The following PGF variants were observed in gnomAD, a reference collection of about 807,000 sequenced individuals.
The protein encoded by PGF is placental growth factor, also known as placenta growth factor.
A neutral mutation model predicts 25.3 loss-of-function variants in PGF; 11 were observed. The observed-to-expected ratio is 0.43, with a 90% CI of 0.27 to 0.72. PGF has a LOEUF of 0.72. PGF is among the 30% of genes least tolerant of loss of function. The probability of loss-of-function intolerance (pLI) is 0.18; values close to 1 mark genes in which losing one functional copy is unlikely to be tolerated. For synonymous variants in PGF, 105 were observed against 97.9 expected, an observed-to-expected ratio of 1.07 and a Z score of -0.43; for missense variants, 230 against 234.9, an observed-to-expected ratio of 0.98 and a Z score of 0.14.
At chr14:74,951,612 G>T (rs781527181) in intron 2 of PGF, among the ~76,000 whole-genome samples, 4 of 152,248 alleles carry the variant, frequency 2.6e-5, no homozygotes, top group Non-Finnish European at 5.9e-5. Context: ...CACCCACCCA[G>T]CTGGGCTGCG....
rs903239226 is a variant in PGF, at chr14:74,955,382, G to A, written c.-140C>T. The A allele has an allele frequency of 5.9e-5, 26 of 437,714 alleles. No homozygotes were observed. The Admixed American group carries it at 6.1e-4, about 10-fold the overall frequency. The allele number at this position is 437,714 out of a possible 1,614,324, so 27.1% of individuals were successfully genotyped here. ...CTGCTGCCCCGAGGCCCCGGCCGGT[G>A]GTTCGAGCATCTTCTGGAAGCCTTG... is the stretch of plus-strand genomic sequence containing the variant. On this transcript the variant is annotated 5_prime_UTR_variant, in exon 1 of 7. Coordinates refer to ENST00000555567, the MANE Select transcript of PGF (RefSeq NM_002632.6). The surrounding 1 kb of genome is among the most constrained non-coding windows in gnomAD (Gnocchi z 4.1).
intron 5 of PGF, 35 bp downstream of exon 5, chr14:74,946,344 C>T (rs764547491): frequency 4.3e-6 from 7 of 1,613,962 alleles, no homozygotes; most frequent in South Asian, 1.1e-5. Flanking sequence ...CTGGCAGGCC[C>T]GAGAATAGCC....
Position 74,942,329 on chromosome 14 carries a change from A to C in PGF, c.*377T>G. ...ACTTTGGACAGGAGCTCCGAAAGCA[A>C]GGGCTGCTTGTCTGTGCAGAGCCTG... is the stretch of plus-strand genomic sequence containing the variant. On this transcript the variant is annotated 3_prime_UTR_variant, in exon 7 of 7. Coordinates refer to ENST00000555567, the MANE Select transcript of PGF (RefSeq NM_002632.6). 5.1e-6 allele frequency: 1 copy of C among 195,566 alleles called. No homozygotes were observed. The highest frequency in any genetic ancestry group is 1.0e-5 in the Non-Finnish European group (1 of 95,934). 12.1% of individuals were successfully genotyped at this position (195,566 alleles called of 1,614,324 possible). A position where few individuals can be genotyped will look rare whatever the true frequency, so the allele number is the denominator to read the frequency against.
At chr14:74,945,965 A>G (rs1888721278) in intron 6 of PGF, 2 of 554,378 alleles carry the variant, frequency 3.6e-6, no homozygotes, top group Admixed American at 6.1e-5. Flanking sequence ...TACACAGAGA[A>G]AAGCTAGGCT....
chr14:74,942,779 G>T, intron 6 of PGF, 46 bp from the exon 7 acceptor site: 3 of 1,585,742 alleles, frequency 1.9e-6, no homozygotes. Context: ...GCACACTGTG[G>T]AGGGTGCGGT....
In PGF at chr14:74,947,188, T is replaced by C. The variant is rs576770853; in HGVS notation, c.393-780A>G. The C allele has an allele frequency of 2.6e-5, 10 of 383,022 alleles. No homozygotes were observed. The East Asian group carries it at 3.5e-4, about 13-fold the overall frequency. 23.7% of individuals were successfully genotyped at this position (383,022 alleles called of 1,614,324 possible). ...CATATTGGGCAAGTGACAGACACTC[T>C]TGGAACCTCAGTCTCTTCATCTGCC... On this transcript the variant is annotated intron_variant, in intron 4 of 6. Transcript: ENST00000555567.
At position 74,950,554 on chromosome 14, in the gene PGF, G is replaced by A. The variant is rs9652373; in HGVS notation, c.119-1001C>T. On this transcript the variant is annotated intron_variant, in intron 2 of 6. Transcript: ENST00000555567. This position sits in a 1 kb window ranked among gnomAD's most constrained non-coding sequence, Gnocchi z 4.1. ...ATCCCTCAAAAGATGCTGCTCTTTC[G>A]GGGGAAGGCCTAGGACCAGGCCCCA... Among the ~76,000 whole-genome samples, 1,277 of 152,266 alleles carry A rather than the reference G, an allele frequency of 8.4e-3. 12 individuals are homozygous for A. Among genetic ancestry groups the A allele is most frequent in the African/African-American group, 0.029 (1,203 of 41,546 alleles).
At chr14:74,954,970 G>A (rs1466754026) in intron 1 of PGF, among the ~76,000 whole-genome samples, 198 bp downstream of exon 1, 2 of 133,488 alleles carry the variant, frequency 1.5e-5, no homozygotes, top group Non-Finnish European at 3.2e-5. Context: ...CCCCCACCAA[G>A]ACAGCCCCCA....
intron 4 of PGF, chr14:74,947,219 C>A: frequency 3.1e-6 from 1 of 319,470 alleles, no homozygotes; most frequent in Non-Finnish European, 5.7e-6. Flanking sequence ...CTGCCTGCCC[C>A]AAAAGAGTGG....
chr14:74,955,535 TC>T lies in PGF; in HGVS notation c.-294del, dbSNP rs1428495199. 3.0e-6 allele frequency: 1 copy of T among 336,126 alleles called. No individual in the cohort carries two copies. The highest frequency in any genetic ancestry group is 2.1e-5 in the African/African-American group (1 of 47,052). 20.8% of individuals were successfully genotyped at this position (336,126 alleles called of 1,614,324 possible). A position where few individuals can be genotyped will look rare whatever the true frequency, so the allele number is the denominator to read the frequency against. ...GTCGGGCGCCCAGTGCCACTCCAGG[TC>T]CTCCCGTAGCTGGGCGGCCGTCCGT... On this transcript the variant is annotated 5_prime_UTR_variant, in exon 1 of 7. Coordinates refer to ENST00000555567, the MANE Select transcript of PGF (RefSeq NM_002632.6). The surrounding 1 kb of genome is among the most constrained non-coding windows in gnomAD (Gnocchi z 4.1).
In PGF at chr14:74,942,632, C is replaced by A; in HGVS notation, c.*74G>T. On this transcript the variant is annotated 3_prime_UTR_variant, in exon 7 of 7. Transcript: ENST00000555567. ...CTAATAAATAGAGGGCAGGTACCAG[C>A]AGGAGTCACTGAAGAGTGTGACGGT... The A allele has an allele frequency of 1.4e-6, 2 of 1,388,660 alleles. No homozygotes were observed. The highest frequency in any genetic ancestry group is 2.0e-6 in the Non-Finnish European group (2 of 984,746). 86.0% of individuals were successfully genotyped at this position (1,388,660 alleles called of 1,614,324 possible). A position where few individuals can be genotyped will look rare whatever the true frequency, so the allele number is the denominator to read the frequency against.
At chr14:74,952,511 C>T (rs1282136793) in intron 2 of PGF, among the ~76,000 whole-genome samples, 1 of 152,234 alleles carries the variant, frequency 6.6e-6, no homozygotes, top group African/African-American at 2.4e-5. Flanking sequence ...AGCCTGTGGT[C>T]AAAACAGAAT....
In PGF at chr14:74,946,253, T is replaced by A; in HGVS notation, c.445A>T (p.Lys149Ter). The A allele has an allele frequency of 6.2e-7, 1 of 1,613,942 alleles. No individual in the cohort carries two copies. Among genetic ancestry groups the A allele is most frequent in the South Asian group, 1.1e-5 (1 of 91,072 alleles). Residue 149 changes from lysine (K) to a stop codon, truncating the protein, a stop_gained, in exon 6 of 7, where the codon AAG becomes TAG. Coordinates refer to ENST00000555567, the MANE Select transcript of PGF (RefSeq NM_002632.6). LOFTEE classifies it high-confidence loss of function. ...PERRRPKGRG[K>*]RRREKQRPTD... The stretch of plus-strand genomic sequence containing the variant: ...GGTCTCTGCTTCTCTCTCCTCCTCT[T>A]CCCCCTGCCCTTGGGTCTCCTCCTG...
intron 1 of PGF, 72 bp from the exon 2 acceptor site, chr14:74,954,018 G>T: frequency 6.6e-7 from 1 of 1,515,224 alleles, no homozygotes; most frequent in Non-Finnish European, 9.1e-7. Flanking sequence ...AAGTGTGATG[G>T]CAAGAAGGTA....
chr14:74,951,190 G>A (rs1888863504), intron 2 of PGF, among the ~76,000 whole-genome samples: 1 of 152,132 alleles, frequency 6.6e-6, no homozygotes, highest in Admixed American at 6.5e-5. Context: ...CCATTCTGCC[G>A]TGCTCTGCTT....
rs1888815370 is a variant in PGF at position 74,949,266 on chromosome 14, C to A, written c.315+91G>T. Reference sequence around the variant, plus strand: ...GGAGCACTGGCCTGGGAGTCAGGCTCCAGCCCTGGGACCTGGGCCTATCTT... The same window carrying A: ...GGAGCACTGGCCTGGGAGTCAGGCTACAGCCCTGGGACCTGGGCCTATCTT... On this transcript the variant is annotated intron_variant, in intron 3 of 6. Coordinates refer to ENST00000555567, the MANE Select transcript of PGF (RefSeq NM_002632.6). 5.4e-6 allele frequency: 6 copies of A among 1,113,216 alleles called. No individual in the cohort carries two copies. The South Asian group carries it at 1.1e-4, about 21-fold the overall frequency. The allele number at this position is 1,113,216 out of a possible 1,614,324, so 69.0% of individuals were successfully genotyped here.
chr14:74,948,401 C>T, intron 4 of PGF, 106 bp downstream of exon 4: 1 of 620,888 alleles, frequency 1.6e-6, no homozygotes, highest in South Asian at 2.2e-5. Flanking sequence ...GTTCAGCCCG[C>T]AGCGGGGATG....
In PGF at chr14:74,942,644, A is replaced by C; in HGVS notation, c.*62T>G. On this transcript the variant is annotated 3_prime_UTR_variant, in exon 7 of 7. Coordinates refer to ENST00000555567, the MANE Select transcript of PGF (RefSeq NM_002632.6). ...GGGCAGGTACCAGCAGGAGTCACTG[A>C]AGAGTGTGACGGTAATAAATACACG... The C allele has an allele frequency of 6.7e-7, 1 of 1,494,466 alleles. No homozygotes were observed. Among genetic ancestry groups the C allele is most frequent in the South Asian group, 1.2e-5 (1 of 86,472 alleles). The allele number at this position is 1,494,466 out of a possible 1,614,324, so 92.6% of individuals were successfully genotyped here. A position where few individuals can be genotyped will look rare whatever the true frequency, so the allele number is the denominator to read the frequency against.
intron 4 of PGF, chr14:74,946,616 C>A (rs937495410): frequency 4.7e-6 from 3 of 633,470 alleles, no homozygotes; most frequent in African/African-American, 1.8e-5. Flanking sequence ...GTGACCCCAC[C>A]ACGAGAGGGA....
Sources: allele counts gnomAD v4.1 joint callset (sites outside exome capture counted in the v4.1 genomes callset), GRCh38; gene constraint gnomAD v4.1.1; non-coding constraint Gnocchi (gnomAD v3.1); transcripts MANE v1.5; gene names NCBI Gene and HGNC (gene_info 2026-07-23, HGNC 2026-07-21).